Variants in LRCH4 observed in about 807,000 individuals in gnomAD.
LRCH4 encodes the protein leucine rich repeats and calponin homology domain containing 4.
LRCH4 carries 56 observed loss-of-function variants against 81.2 expected under a neutral mutation model. The observed-to-expected ratio is 0.69, with a 90% CI of 0.56 to 0.86. LRCH4 has a LOEUF of 0.86. LRCH4 is among the 40% of genes least tolerant of loss of function. The pLI is 0.00. For synonymous variants in LRCH4, 442 were observed against 409.7 expected (o/e 1.08, Z -0.95); for missense variants, 895 against 922.8 (o/e 0.97, Z 0.39).
In LRCH4 at chr7:100,574,961, G is replaced by C. The variant is rs1190573258; in HGVS notation, c.*146C>G. ...GGGCCCAGGGTCTGGGGGCACCAGA[G>C]TGGGGCCTCTGAGGTCAGTGTCTGT... is the stretch of plus-strand genomic sequence containing the variant. On this transcript the variant is annotated 3_prime_UTR_variant, in exon 18 of 18. Transcript: ENST00000310300. 1.3e-6 allele frequency: 1 copy of C among 769,212 alleles called. No homozygotes were observed. The highest frequency in any genetic ancestry group is 2.7e-5 in the East Asian group (1 of 36,668). The allele number at this position is 769,212 out of a possible 1,614,324, so 47.6% of individuals were successfully genotyped here.
rs1337081263 is a variant in LRCH4 at position 100,582,918 on chromosome 7, C to T, written c.221-459G>A. ...ACCACAGGGAGTGCCCATCCCTCCT[C>T]GGGGCCCTTCTTCCCTACTCCAGTG... On this transcript the variant is annotated intron_variant, in intron 1 of 17. Transcript: ENST00000310300. The surrounding 1 kb of genome is among the most constrained non-coding windows in gnomAD (Gnocchi z 5.0). 5.3e-5 allele frequency among the ~76,000 whole-genome samples: 8 copies of T among 152,140 alleles called. No homozygotes were observed. The highest frequency in any genetic ancestry group is 1.2e-4 in the African/African-American group (5 of 41,412).
chr7:100,578,935 C>T lies in LRCH4; in HGVS notation c.599-149G>A. 2 of 710,090 alleles carry T rather than the reference C, an allele frequency of 2.8e-6. No homozygotes were observed. The highest frequency in any genetic ancestry group is 3.8e-5 in the South Asian group (2 of 53,064). The allele number at this position is 710,090 out of a possible 1,614,324, so 44.0% of individuals were successfully genotyped here. On this transcript the variant is annotated intron_variant, in intron 4 of 17. Coordinates refer to ENST00000310300, the MANE Select transcript of LRCH4 (RefSeq NM_002319.5). This position sits in a 1 kb window ranked among gnomAD's most constrained non-coding sequence, Gnocchi z 5.7. ...GGCTCAAGTCATTCCCCGGGAGAAA[C>T]CTCCCTGCTCCTCTCTCCACATGAT...
Position 100,585,889 on chromosome 7 carries a change from G to A in LRCH4, c.212C>T (p.Thr71Ile), listed in dbSNP as rs200251319. The change falls in exon 1 of 18, where the codon ACC becomes ATC. Residue 71 changes from threonine (T) to isoleucine (I), a missense_variant. Thr to Ile is a moderately conservative substitution (Grantham distance 89). Around this residue, in one of 3 missense-constraint regions of LRCH4, gnomAD observed 360 missense variants for 397.0 expected, o/e 0.91. Transcript: ENST00000310300. The part of the protein sequence containing the change: ...AARSYDLSDI[T>I]QADLSRNRFP... ...GGCCCGGCTGCACTCACCAGCCTGGGTGATGTCTGACAGGTCGTAGCTACG... is the reference window on the plus strand; with the variant it reads ...GGCCCGGCTGCACTCACCAGCCTGGATGATGTCTGACAGGTCGTAGCTACG... 1 of 1,606,002 alleles carries A rather than the reference G, an allele frequency of 6.2e-7. No individual in the cohort carries two copies. The highest frequency in any genetic ancestry group is 1.3e-5 in the African/African-American group (1 of 74,456).
Position 100,577,701 on chromosome 7 carries a change from T to C in LRCH4, c.1079A>G (p.His360Arg). ...TCGCTCTTCATCCTCCCCGGGGACA[T>C]GGCTGTCGATGAAGTCAATCTGCAC... ...DPVQIDFIDS[H>R]VPGEDEERGT... The change falls in exon 9 of 18, where the codon CAT becomes CGT. Residue 360 changes from histidine (H) to arginine (R), a missense_variant. Physicochemically the swap from His to Arg is conservative, Grantham distance 29 (BLOSUM62 0). Transcript: ENST00000310300. This position sits in a 1 kb window ranked among gnomAD's most constrained non-coding sequence, Gnocchi z 6.7. 1.2e-6 allele frequency: 2 copies of C among 1,613,990 alleles called. No homozygotes were observed. The highest frequency in any genetic ancestry group is 1.3e-5 in the African/African-American group (1 of 75,016).
chr7:100,577,566 G>A lies in LRCH4; in HGVS notation c.1117-8C>T. ...TTCGGGTGGTCGCTGCTCCTAAGGA[G>A]AGAACAGCAGAGCAGCTGAGGGCAG... On this transcript the variant is annotated splice_region_variant and splice_polypyrimidine_tract_variant and intron_variant, in intron 9 of 17. Transcript: ENST00000310300. This position sits in a 1 kb window ranked among gnomAD's most constrained non-coding sequence, Gnocchi z 6.7. The A allele has an allele frequency of 1.2e-6, 2 of 1,611,080 alleles. No individual in the cohort carries two copies. Among genetic ancestry groups the A allele is most frequent in the Non-Finnish European group, 8.5e-7 (1 of 1,179,898 alleles).
At chr7:100,581,639 A>C (rs1584409209) in intron 4 of LRCH4, 138 bp downstream of exon 4, 1 of 710,188 alleles carries the variant, frequency 1.4e-6, no homozygotes, top group Non-Finnish European at 2.4e-6. Flanking sequence ...CAGATCCTGA[A>C]CTTCAGCTTC....
At position 100,574,221 on chromosome 7, in the gene LRCH4, CG is replaced by C; in HGVS notation, c.*885del. The stretch of plus-strand genomic sequence containing the variant: ...CGTCTTCTGCTCCCGGGGTCCCGGG[CG>C]GGGTGGGCCCTGTGCCCCCACCTTC... On this transcript the variant is annotated 3_prime_UTR_variant, in exon 18 of 18. Transcript: ENST00000310300. The C allele has an allele frequency of 1.7e-5, 3 of 176,698 alleles. No homozygotes were observed. The highest frequency in any genetic ancestry group is 7.8e-5 in the South Asian group (1 of 12,870). The allele number at this position is 176,698 out of a possible 1,614,324, so 10.9% of individuals were successfully genotyped here. A position where few individuals can be genotyped will look rare whatever the true frequency, so the allele number is the denominator to read the frequency against.
chr7:100,583,685 C>G lies in LRCH4; in HGVS notation c.221-1226G>C, dbSNP rs1801630419. Among the ~76,000 whole-genome samples, 1 of 152,212 alleles carries G rather than the reference C, an allele frequency of 6.6e-6. No individual in the cohort carries two copies. Among genetic ancestry groups the G allele is most frequent in the Non-Finnish European group, 1.5e-5 (1 of 68,030 alleles). On this transcript the variant is annotated intron_variant, in intron 1 of 17. Transcript: ENST00000310300. This position sits in a 1 kb window ranked among gnomAD's most constrained non-coding sequence, Gnocchi z 4.3. ...CAGCCTGATGCCCCGGGACCCCTTTCTCTTCCTCTCTGCCCAGCCCTGGTG... is the reference window on the plus strand; with the variant it reads ...CAGCCTGATGCCCCGGGACCCCTTTGTCTTCCTCTCTGCCCAGCCCTGGTG...
intron 1 of LRCH4, chr7:100,584,258 G>A (rs116092519): frequency 2.4e-4 from 109 of 456,414 alleles, no homozygotes; most frequent in Non-Finnish European, 4.1e-4. Context: ...TGCGGAGAGG[G>A]GACAGAGGAG....
Position 100,581,792 on chromosome 7 carries a change from T to C in LRCH4, c.583A>G (p.Ser195Gly), listed in dbSNP as rs769071548. The C allele has an allele frequency of 6.2e-7, 1 of 1,613,830 alleles. No individual in the cohort carries two copies. The highest frequency in any genetic ancestry group is 8.5e-7 in the Non-Finnish European group (1 of 1,179,664). Reference protein sequence around the residue: ...RDLNVRRNQLSTLPEELGDLP... With the variant: ...RDLNVRRNQLGTLPEELGDLP... ...TTCTTCTCACCTTCGGGCAGCGTAC[T>C]GAGCTGGTTCCTCCGGACATTGAGG... Residue 195 changes from serine (S) to glycine (G), a missense_variant, in exon 4 of 18, where the codon AGT (serine) becomes GGT (glycine). Physicochemically the swap from Ser to Gly is moderately conservative, Grantham distance 56. Around this residue, in one of 3 missense-constraint regions of LRCH4, gnomAD observed 360 missense variants for 397.0 expected, o/e 0.91. Coordinates refer to ENST00000310300, the MANE Select transcript of LRCH4 (RefSeq NM_002319.5).
chr7:100,574,215 C>A lies in LRCH4; in HGVS notation c.*892G>T. The A allele has an allele frequency of 5.7e-6, 1 of 176,678 alleles. No individual in the cohort carries two copies. The highest frequency in any genetic ancestry group is 1.3e-5 in the Non-Finnish European group (1 of 79,248). 10.9% of individuals were successfully genotyped at this position (176,678 alleles called of 1,614,324 possible). ...CAGGCGCGTCTTCTGCTCCCGGGGTCCCGGGCGGGGTGGGCCCTGTGCCCC... is the reference window on the plus strand; with the variant it reads ...CAGGCGCGTCTTCTGCTCCCGGGGTACCGGGCGGGGTGGGCCCTGTGCCCC... On this transcript the variant is annotated 3_prime_UTR_variant, in exon 18 of 18. Coordinates refer to ENST00000310300, the MANE Select transcript of LRCH4 (RefSeq NM_002319.5).
At position 100,577,724 on chromosome 7, in the gene LRCH4, C is replaced by T; in HGVS notation, c.1056G>A (p.Val352=). 1.2e-6 allele frequency: 2 copies of T among 1,614,138 alleles called. No individual in the cohort carries two copies. The highest frequency in any genetic ancestry group is 1.7e-6 in the Non-Finnish European group (2 of 1,180,024). Residue 352 remains valine (V), a synonymous_variant, in exon 9 of 18, where the codon GTG becomes GTA. Coordinates refer to ENST00000310300, the MANE Select transcript of LRCH4 (RefSeq NM_002319.5). This position sits in a 1 kb window ranked among gnomAD's most constrained non-coding sequence, Gnocchi z 6.7. ...CATGGCTGTCGATGAAGTCAATCTG[C>T]ACAGGGTCTCCGTCCGCTGGGGAGG... ...KEDGSADGDP[V]QIDFIDSHVP... is the part of the protein sequence containing the mutation.
At chr7:100,584,704 C>T (rs1043736165) in intron 1 of LRCH4, 13 of 456,380 alleles carry the variant, frequency 2.8e-5, no homozygotes, top group Non-Finnish European at 4.4e-5. Flanking sequence ...GCAGAGCAGG[C>T]GAGATCAGTG....
chr7:100,574,313 GC>G lies in LRCH4; in HGVS notation c.*793del. 5.8e-6 allele frequency: 1 copy of G among 173,352 alleles called. No individual in the cohort carries two copies. Among genetic ancestry groups the G allele is most frequent in the Non-Finnish European group, 1.3e-5 (1 of 77,836 alleles). 10.7% of individuals were successfully genotyped at this position (173,352 alleles called of 1,614,324 possible). On this transcript the variant is annotated 3_prime_UTR_variant, in exon 18 of 18. Transcript: ENST00000310300. Reference sequence around the variant, plus strand: ...GATGTAGGGGAGGCCCCTTCCCGGGGCCCCCTCCTCTTCCAGGATGTGGTGG... The same window carrying G: ...GATGTAGGGGAGGCCCCTTCCCGGGGCCCCTCCTCTTCCAGGATGTGGTGG...
chr7:100,577,195 A>G lies in LRCH4; in HGVS notation c.1296-41T>C. ...GTGGGGTCAGCTAGCCCCAAGGCAG[A>G]ACGGCTCAGCGGGGCTCGGTGGCCC... On this transcript the variant is annotated intron_variant, in intron 11 of 17. Coordinates refer to ENST00000310300, the MANE Select transcript of LRCH4 (RefSeq NM_002319.5). This position sits in a 1 kb window ranked among gnomAD's most constrained non-coding sequence, Gnocchi z 6.7. The G allele has an allele frequency of 6.2e-7, 1 of 1,612,568 alleles. No homozygotes were observed. The highest frequency in any genetic ancestry group is 2.2e-5 in the East Asian group (1 of 44,878).
chr7:100,581,615 A>C, intron 4 of LRCH4, 162 bp downstream of exon 4: 1 of 620,386 alleles, frequency 1.6e-6, no homozygotes. Flanking sequence ...CCAGAAGCTG[A>C]CCATGGAAGC....
chr7:100,576,963 C>T lies in LRCH4; in HGVS notation c.1407G>A (p.Ala469=), dbSNP rs779555473. Residue 469 remains alanine, a synonymous_variant, in exon 13 of 18, where the codon GCG becomes GCA. Transcript: ENST00000310300. ...GGGCAGGGGCGGGGGCTCCCTGCCC[C>T]GCTGCAGCCCCTGCTTGGGAGGCAC... ...KSSASQAGAA[A]GQGAPAPAPA... is the part of the protein sequence containing the mutation. 18 of 1,592,436 alleles carry T rather than the reference C, an allele frequency of 1.1e-5. No individual in the cohort carries two copies. The highest frequency in any genetic ancestry group is 1.1e-4 in the South Asian group (10 of 89,158).
At position 100,582,504 on chromosome 7, in the gene LRCH4, C is replaced by T. The variant is rs758701271; in HGVS notation, c.221-45G>A. 6.3e-7 allele frequency: 1 copy of T among 1,580,650 alleles called. No individual in the cohort carries two copies. The highest frequency in any genetic ancestry group is 8.5e-7 in the Non-Finnish European group (1 of 1,170,248). ...GGGGAGAGTTGCGGAAAGGCCCAGC[C>T]CGGACAGGACCTTCAGTCCCCCCAG... On this transcript the variant is annotated intron_variant, in intron 1 of 17. Coordinates refer to ENST00000310300, the MANE Select transcript of LRCH4 (RefSeq NM_002319.5). The surrounding 1 kb of genome is among the most constrained non-coding windows in gnomAD (Gnocchi z 5.0).
Position 100,582,243 on chromosome 7 carries a change from G to A in LRCH4, c.365+72C>T, listed in dbSNP as rs902793743. ...GCACTGCCATCCTCTCGGGGTCACT[G>A]GGTGGGTCACTCAGTAGTACTTGAG... On this transcript the variant is annotated intron_variant, in intron 2 of 17. Transcript: ENST00000310300. The surrounding 1 kb of genome is among the most constrained non-coding windows in gnomAD (Gnocchi z 5.0). 5.9e-5 allele frequency: 95 copies of A among 1,613,330 alleles called. No homozygotes were observed. The highest frequency in any genetic ancestry group is 7.6e-5 in the Non-Finnish European group (90 of 1,179,878).
Sources: allele counts gnomAD v4.1 joint callset (sites outside exome capture counted in the v4.1 genomes callset), GRCh38; gene constraint gnomAD v4.1.1; regional missense constraint gnomAD v4.1.1; non-coding constraint Gnocchi (gnomAD v3.1); transcripts MANE v1.5; gene names NCBI Gene and HGNC (gene_info 2026-07-23, HGNC 2026-07-21).